RAP1GAP2: variants seen among roughly 807,000 people sequenced by gnomAD.
RAP1GAP2 encodes the protein RAP1 GTPase activating protein 2, also known as rap1 GTPase-activating protein 2.
A neutral mutation model predicts 95.0 loss-of-function variants in RAP1GAP2; 27 were observed. The observed-to-expected ratio is 0.28, with a 90% CI of 0.21 to 0.39. RAP1GAP2 has a LOEUF of 0.39. RAP1GAP2 is among the 10% of genes least tolerant of loss of function. The pLI is 1.00. For missense variants in RAP1GAP2, 771 were observed against 970.0 expected, an observed-to-expected ratio of 0.79 and a Z score of 2.72; for synonymous variants, 373 against 380.9, an observed-to-expected ratio of 0.98 and a Z score of 0.24.
rs1350457766 is a variant in RAP1GAP2, at chr17:3,035,353, T to G, written c.*1992T>G. The G allele has an allele frequency of 1.3e-5, 2 of 152,374 alleles. No homozygotes were observed. The highest frequency in any genetic ancestry group is 4.8e-5 in the African/African-American group (2 of 41,562). The allele number at this position is 152,374 out of a possible 1,614,324, so 9.4% of individuals were successfully genotyped here. Reference sequence around the variant, plus strand: ...GCTCGCCTCTGTGGGAAGCCGGCATTACAGGTGCTTGGTGGATGGGCCGTG... The same window carrying G: ...GCTCGCCTCTGTGGGAAGCCGGCATGACAGGTGCTTGGTGGATGGGCCGTG... On this transcript the variant is annotated 3_prime_UTR_variant, in exon 25 of 25. Coordinates refer to ENST00000254695, the MANE Select transcript of RAP1GAP2 (RefSeq NM_015085.5). The surrounding 1 kb of genome is among the most constrained non-coding windows in gnomAD (Gnocchi z 4.3).
intron 2 of RAP1GAP2, among the ~76,000 whole-genome samples, chr17:2,889,887 A>ATTTTTTTTTTTT (rs1183050009): frequency 1.3e-4 from 5 of 38,724 alleles, no homozygotes; most frequent in East Asian, 7.4e-4. Flanking sequence ...ATATATATAT[A>ATTTTTTTTTTTT]TATTTTTTTT....
chr17:2,977,351 C>G (rs1443690309), intron 8 of RAP1GAP2, among the ~76,000 whole-genome samples: 2 of 152,200 alleles, frequency 1.3e-5, no homozygotes, highest in African/African-American at 4.8e-5. Flanking sequence ...AATTAGTACG[C>G]AAAAGTATCC....
intron 1 of RAP1GAP2, among the ~76,000 whole-genome samples, chr17:2,763,253 A>T (rs1485760770): frequency 6.6e-6 from 1 of 152,174 alleles, no homozygotes; most frequent in Non-Finnish European, 1.5e-5. Flanking sequence ...TGTGATTTTT[A>T]CAGCAGGCTG....
At chr17:2,960,009 C>G (rs564182386) in intron 4 of RAP1GAP2, among the ~76,000 whole-genome samples, 1 of 150,680 alleles carries the variant, frequency 6.6e-6, no homozygotes, top group East Asian at 2.0e-4. Flanking sequence ...CCTGTAATCC[C>G]AGCTACTTGG....
Position 2,816,870 on chromosome 17 carries a change from G to T in RAP1GAP2, c.80+16320G>T, listed in dbSNP as rs148912798. The stretch of plus-strand genomic sequence containing the variant: ...CTGTTTCTATGAATTTGACTGCTCG[G>T]TGAACTGTGTATAGGTGAAATCACA... On this transcript the variant is annotated intron_variant, in intron 2 of 24. Coordinates refer to ENST00000254695, the MANE Select transcript of RAP1GAP2 (RefSeq NM_015085.5). Among the ~76,000 whole-genome samples the T allele has an allele frequency of 5.0e-3, 601 of 120,272 alleles. 182 individuals are homozygous for T. The highest frequency in any genetic ancestry group is 9.4e-3 in the Admixed American group (116 of 12,390). The allele number at this position is 120,272 out of a possible 152,430, so 78.9% of individuals were successfully genotyped here. A position where few individuals can be genotyped will look rare whatever the true frequency, so the allele number is the denominator to read the frequency against.
chr17:2,959,608 C>T lies in RAP1GAP2; in HGVS notation c.201+1814C>T, dbSNP rs892790541. Among the ~76,000 whole-genome samples the T allele has an allele frequency of 3.3e-5, 5 of 152,154 alleles. No homozygotes were observed. The East Asian group carries it at 7.7e-4, about 23-fold the overall frequency. On this transcript the variant is annotated intron_variant, in intron 4 of 24. Transcript: ENST00000254695. ...GAAACTGAAGCTCAGAGCAGTGAAG[C>T]GCCCGGGTCACTTAGCTAGTTGTGA...
rs2072103094 is a variant in RAP1GAP2, at chr17:2,855,672, GCGCC to G, written c.81-49611_81-49608del. Reference sequence around the variant, plus strand: ...TGTTAGCCCAAGCTGGAGTACAGTGGCGCCATCTCGGCCCACTGCAACCTCCACC... The same window carrying G: ...TGTTAGCCCAAGCTGGAGTACAGTGGATCTCGGCCCACTGCAACCTCCACC... On this transcript the variant is annotated intron_variant, in intron 2 of 24. Transcript: ENST00000254695. This position sits in a 1 kb window ranked among gnomAD's most constrained non-coding sequence, Gnocchi z 4.3. 1.3e-5 allele frequency among the ~76,000 whole-genome samples: 2 copies of G among 152,114 alleles called. No individual in the cohort carries two copies. The highest frequency in any genetic ancestry group is 2.9e-5 in the Non-Finnish European group (2 of 68,016).
At chr17:2,872,670 C>G (rs1314656900) in intron 2 of RAP1GAP2, among the ~76,000 whole-genome samples, 1 of 151,896 alleles carries the variant, frequency 6.6e-6, no homozygotes, top group African/African-American at 2.4e-5. Context: ...ACAACTTTCA[C>G]ACTTGATGGA....
At chr17:2,923,140 A>G (rs1048761095) in intron 3 of RAP1GAP2, among the ~76,000 whole-genome samples, 6 of 151,286 alleles carry the variant, frequency 4.0e-5, no homozygotes, top group Non-Finnish European at 8.8e-5. Flanking sequence ...CCTGAGTTCA[A>G]GTGATTCTCC....
intron 2 of RAP1GAP2, among the ~76,000 whole-genome samples, chr17:2,879,209 C>T (rs941969344): frequency 2.0e-5 from 3 of 151,788 alleles, no homozygotes; most frequent in African/African-American, 4.8e-5. Flanking sequence ...TCTGCCTCCC[C>T]GGTTCAAGTG....
chr17:2,971,256 A>G (rs894717286), intron 8 of RAP1GAP2, among the ~76,000 whole-genome samples: 1 of 152,214 alleles, frequency 6.6e-6, no homozygotes, highest in South Asian at 2.1e-4. Flanking sequence ...AAACCACTAA[A>G]CCACTGAGAA....
At chr17:2,994,278 G>A (rs987137762) in intron 12 of RAP1GAP2, among the ~76,000 whole-genome samples, 1 of 152,196 alleles carries the variant, frequency 6.6e-6, no homozygotes, top group African/African-American at 2.4e-5. Flanking sequence ...TTTCTGGCTT[G>A]TATTGTAGTG....
At chr17:2,775,117 G>T (rs553053406), upstream of RAP1GAP2, among the ~76,000 whole-genome samples, 85 of 145,730 alleles carry the variant, frequency 5.8e-4, 2 homozygotes, top group South Asian at 0.015. Context: ...CAGGTGTGAG[G>T]CACCGCGCCC....
intron 1 of RAP1GAP2, among the ~76,000 whole-genome samples, chr17:2,766,473 T>C (rs2068278646): frequency 6.6e-6 from 1 of 151,712 alleles, no homozygotes; most frequent in Non-Finnish European, 1.5e-5. Context: ...CCATCTCTAC[T>C]AAAAATACAA....
At chr17:2,946,665 A>G (rs970162036) in intron 3 of RAP1GAP2, among the ~76,000 whole-genome samples, 7 of 152,228 alleles carry the variant, frequency 4.6e-5, no homozygotes, top group African/African-American at 1.4e-4. Context: ...CAACATGATG[A>G]ACCCCATAGG....
At chr17:2,782,795 C>G (rs1470468259) in intron 1 of RAP1GAP2, among the ~76,000 whole-genome samples, 1 of 152,158 alleles carries the variant, frequency 6.6e-6, no homozygotes, top group Non-Finnish European at 1.5e-5. Context: ...GTGAGTGGAT[C>G]ATCTGAGGTC....
chr17:2,945,593 T>C (rs2043671598), intron 3 of RAP1GAP2, among the ~76,000 whole-genome samples: 1 of 151,840 alleles, frequency 6.6e-6, no homozygotes, highest in Non-Finnish European at 1.5e-5. Context: ...TCACTGAGTA[T>C]GATGTTAGCT....
rs372483633 is a variant in RAP1GAP2 at position 3,001,547 on chromosome 17, G to A, written c.1200+3171G>A. 8.2e-3 allele frequency among the ~76,000 whole-genome samples: 962 copies of A among 117,380 alleles called. 50 individuals carry two copies. In the East Asian group the frequency reaches 0.1, roughly 13 times the overall value. The allele number at this position is 117,380 out of a possible 152,430, so 77.0% of individuals were successfully genotyped here. The stretch of plus-strand genomic sequence containing the variant: ...AGAAGGGACAGAAGAAGCAGGGAGT[G>A]CAGGTCCAAGCACCAGGCTGAAGTG... On this transcript the variant is annotated intron_variant, in intron 14 of 24. Transcript: ENST00000254695.
chr17:2,817,465 G>A (rs4790368), intron 2 of RAP1GAP2, among the ~76,000 whole-genome samples: 79,546 of 118,852 alleles, frequency 0.67, 34,686 homozygotes, highest in African/African-American at 0.91. Flanking sequence ...TCTGTTTTCA[G>A]TTCTTTTGGG....
Sources: gnomAD v4.1 joint callset for allele counts (sites outside exome capture counted in the v4.1 genomes callset) on GRCh38, gnomAD v4.1.1 for gene constraint, Gnocchi (gnomAD v3.1) non-coding constraint, MANE v1.5 for transcripts, NCBI Gene and HGNC (gene_info 2026-07-23, HGNC 2026-07-21) for gene names.